The following C11orf91 variants were observed in gnomAD, a reference collection of about 807,000 sequenced individuals.
C11orf91 encodes chromosome 11 open reading frame 91.
Under a neutral mutation model 14.3 loss-of-function variants are expected in C11orf91, and 10 were observed. The ratio of observed to expected loss-of-function variants is 0.70; its 90% CI spans 0.43 to 1.18. C11orf91 has a LOEUF of 1.18. Among genes scored for constraint, C11orf91 ranks in the 50% most tolerant of loss-of-function variants. The pLI is 0.00. For missense variants in C11orf91, 236 were observed against 269.0 expected, an observed-to-expected ratio of 0.88 and a Z score of 0.86; for synonymous variants, 141 against 130.6, an observed-to-expected ratio of 1.08 and a Z score of -0.54.
intron 1 of C11orf91, among the ~76,000 whole-genome samples, chr11:33,699,338 G>C (rs1048232742): frequency 6.6e-6 from 1 of 152,098 alleles, no homozygotes; most frequent in African/African-American, 2.4e-5. Flanking sequence ...TTCTCTGTGT[G>C]GCAGGGGAAG....
In C11orf91 at chr11:33,700,570, G is replaced by T. The variant is rs747861457; in HGVS notation, c.171C>A (p.Gly57=). 5 of 1,401,176 alleles carry T rather than the reference G, an allele frequency of 3.6e-6. No individual in the cohort carries two copies. Among genetic ancestry groups the T allele is most frequent in the South Asian group, 1.4e-5 (1 of 72,390 alleles). The allele number at this position is 1,401,176 out of a possible 1,614,324, so 86.8% of individuals were successfully genotyped here. ...VPLKAGGAPV[G]GAAGARSLSQ... Reference sequence around the variant, plus strand: ...ACAGGGACCGGGCCCCCGCCGCCCCGCCCACTGGCGCCCCGCCCGCCTTCA... The same window carrying T: ...ACAGGGACCGGGCCCCCGCCGCCCCTCCCACTGGCGCCCCGCCCGCCTTCA... The change falls in exon 1 of 2, where the codon GGC becomes GGA. Residue 57 remains glycine (G), a synonymous_variant. Coordinates refer to ENST00000379011, the MANE Select transcript of C11orf91 (RefSeq NM_001166692.2).
In C11orf91 at chr11:33,700,384, A is replaced by C; in HGVS notation, c.357T>G (p.Val119=). ...FYSPPPGPEV[V]ASPLVPCPST... ...AGGGGCAGGGGACCAGGGGCGAGGCAACCACCTCAGGCCCCGGCGGCGGTG... is the reference window on the plus strand; with the variant it reads ...AGGGGCAGGGGACCAGGGGCGAGGCCACCACCTCAGGCCCCGGCGGCGGTG... The change falls in exon 1 of 2, where the codon GTT becomes GTG. Residue 119 remains valine, a synonymous_variant. Coordinates refer to ENST00000379011, the MANE Select transcript of C11orf91 (RefSeq NM_001166692.2). The C allele has an allele frequency of 6.5e-7, 1 of 1,533,928 alleles. No individual in the cohort carries two copies. The highest frequency in any genetic ancestry group is 8.7e-7 in the Non-Finnish European group (1 of 1,146,076).
At chr11:33,700,907 AC>A, upstream of C11orf91, 2 of 585,570 alleles carry the variant, frequency 3.4e-6, no homozygotes, top group Non-Finnish European at 4.9e-6. Context: ...AGCCCGGACG[AC>A]CACGTCCCGG....
At chr11:33,701,431 G>A (rs559429690), upstream of C11orf91, among the ~76,000 whole-genome samples, 80 of 152,342 alleles carry the variant, frequency 5.3e-4, 1 homozygote, top group African/African-American at 1.9e-3. Context: ...ATGCAGTTTA[G>A]TTCTCTTCCA....
chr11:33,701,816 T>G (rs1375333102), upstream of C11orf91, among the ~76,000 whole-genome samples: 2 of 151,410 alleles, frequency 1.3e-5, no homozygotes. Context: ...ATATTCAAGC[T>G]GGGTAGCCTT....
intron 1 of C11orf91, among the ~76,000 whole-genome samples, 175 bp downstream of exon 1, chr11:33,700,070 G>A (rs1564962012): frequency 6.6e-6 from 1 of 152,166 alleles, no homozygotes; most frequent in Non-Finnish European, 1.5e-5. Context: ...GTGGTGGGGG[G>A]AGGAGTCGGT....
chr11:33,703,266 C>T (rs1051667443), upstream of C11orf91: 1 of 152,130 alleles, frequency 6.6e-6, no homozygotes, highest in African/African-American at 2.4e-5. Context: ...ACAATGAACA[C>T]CCATAAACTG....
At chr11:33,700,921 C>T (rs185209451), upstream of C11orf91, 2,729 of 403,782 alleles carry the variant, frequency 6.8e-3, 64 homozygotes, top group African/African-American at 0.11. Context: ...CGTCCCGGAA[C>T]GCGGCCCCGC....
At position 33,700,228 on chromosome 11, in the gene C11orf91, C is replaced by A. The variant is rs1465507120; in HGVS notation, c.496+17G>T. The A allele has an allele frequency of 6.5e-7, 1 of 1,527,660 alleles. No homozygotes were observed. The highest frequency in any genetic ancestry group is 8.8e-7 in the Non-Finnish European group (1 of 1,142,156). 94.6% of individuals were successfully genotyped at this position (1,527,660 alleles called of 1,614,324 possible). The stretch of plus-strand genomic sequence containing the variant: ...CAGGCTAAGGCTGGGCTCGGTGGCC[C>A]TGGCGAGGTCACGCACAGCTCTGGG... On this transcript the variant is annotated intron_variant, in intron 1 of 1. Coordinates refer to ENST00000379011, the MANE Select transcript of C11orf91 (RefSeq NM_001166692.2).
Position 33,698,381 on chromosome 11 carries a change from G to T in C11orf91, c.*48C>A, listed in dbSNP as rs776196410. On this transcript the variant is annotated 3_prime_UTR_variant, in exon 2 of 2. Coordinates refer to ENST00000379011, the MANE Select transcript of C11orf91 (RefSeq NM_001166692.2). The stretch of plus-strand genomic sequence containing the variant: ...ACAACAAATGGGACACATTATCTAA[G>T]CACTAACACCTAAGGAGGTGGCTGC... 1 of 1,053,618 alleles carries T rather than the reference G, an allele frequency of 9.5e-7. No homozygotes were observed. Among genetic ancestry groups the T allele is most frequent in the South Asian group, 1.4e-5 (1 of 74,010 alleles). The allele number at this position is 1,053,618 out of a possible 1,614,324, so 65.3% of individuals were successfully genotyped here.
At chr11:33,699,411 A>C (rs1000904572) in intron 1 of C11orf91, 3 of 379,808 alleles carry the variant, frequency 7.9e-6, no homozygotes, top group Non-Finnish European at 1.6e-5. Context: ...GCCCTTCTCC[A>C]GTGGTCAAGG....
In C11orf91 at chr11:33,699,639, A is replaced by G. The variant is rs1279159065; in HGVS notation, c.496+606T>C. 4.4e-5 allele frequency: 20 copies of G among 456,284 alleles called. No individual in the cohort carries two copies. In the East Asian group the frequency reaches 7.6e-4, roughly 17 times the overall value. 28.3% of individuals were successfully genotyped at this position (456,284 alleles called of 1,614,324 possible). A position where few individuals can be genotyped will look rare whatever the true frequency, so the allele number is the denominator to read the frequency against. On this transcript the variant is annotated intron_variant, in intron 1 of 1. Transcript: ENST00000379011. ...CCTAAGACTTCAGACGTAAGACCAG[A>G]TATCAGCCCAGGATCCTGGTGAGAG...
chr11:33,703,306 A>C (rs955393821), upstream of C11orf91: 2 of 152,204 alleles, frequency 1.3e-5, no homozygotes, highest in African/African-American at 4.8e-5. Flanking sequence ...CTATGAGGTA[A>C]TAATAAACCC....
chr11:33,699,364 A>G (rs1415079471), intron 1 of C11orf91, among the ~76,000 whole-genome samples: 2 of 152,184 alleles, frequency 1.3e-5, no homozygotes, highest in African/African-American at 4.8e-5. Context: ...TTAAGCCGTT[A>G]TATACGATAG....
chr11:33,703,874 A>C (rs1265102944), upstream of C11orf91: 1 of 152,206 alleles, frequency 6.6e-6, no homozygotes, highest in African/African-American at 2.4e-5. Context: ...TATTTAACCG[A>C]GGCTGACTCA....
chr11:33,699,363 T>C (rs1853082734), intron 1 of C11orf91, among the ~76,000 whole-genome samples: 1 of 152,160 alleles, frequency 6.6e-6, no homozygotes, highest in Non-Finnish European at 1.5e-5. Flanking sequence ...CTTAAGCCGT[T>C]ATATACGATA....
intron 1 of C11orf91, 38 bp downstream of exon 1, chr11:33,700,207 C>A: frequency 6.6e-7 from 1 of 1,516,848 alleles, no homozygotes. Context: ...CTAGGGCAGG[C>A]TAAGGCTGGG....
At chr11:33,701,457 A>C (rs953069311), upstream of C11orf91, among the ~76,000 whole-genome samples, 25 of 152,258 alleles carry the variant, frequency 1.6e-4, no homozygotes, top group African/African-American at 5.1e-4. Flanking sequence ...AGATATCACC[A>C]GGAGCTAACA....
rs765324136 is a variant in C11orf91, at chr11:33,700,315, G to C, written c.426C>G (p.Cys142Trp). 3 of 1,535,372 alleles carry C rather than the reference G, an allele frequency of 2.0e-6. No individual in the cohort carries two copies. In the South Asian group the frequency reaches 3.6e-5, roughly 18 times the overall value. The change falls in exon 1 of 2, where the codon TGC becomes TGG. Residue 142 changes from cysteine to tryptophan, a missense_variant. Cys to Trp is a radical substitution (Grantham distance 215). Coordinates refer to ENST00000379011, the MANE Select transcript of C11orf91 (RefSeq NM_001166692.2). Reference sequence around the variant, plus strand: ...GCTCCTTAATCCGGATCTCCAGCTCGCAGAGCTCCTCCGGGTGGGAGGCAG... The same window carrying C: ...GCTCCTTAATCCGGATCTCCAGCTCCCAGAGCTCCTCCGGGTGGGAGGCAG... ...LASASHPEEL[C>W]ELEIRIKELE...
Sources: allele counts gnomAD v4.1 joint callset (sites outside exome capture counted in the v4.1 genomes callset), GRCh38; gene constraint gnomAD v4.1.1; transcripts MANE v1.5; gene names NCBI Gene and HGNC (gene_info 2026-07-23, HGNC 2026-07-21).